PUM1: variants seen among roughly 807,000 people sequenced by gnomAD.
The protein encoded by PUM1 is pumilio homolog 1.
In PUM1, 13 loss-of-function variants were observed where a neutral mutation model predicts 131.8. The observed-to-expected ratio is 0.10, with a 90% CI of 0.06 to 0.16. The LOEUF is 0.16. Ranked by LOEUF, PUM1 falls within the 10% of genes least tolerant of loss-of-function variation. The pLI is 1.00. For synonymous variants in PUM1, 509 were observed against 556.5 expected, an observed-to-expected ratio of 0.91 and a Z score of 1.20; for missense variants, 961 against 1,512.4, an observed-to-expected ratio of 0.64 and a Z score of 6.05.
rs1314376432 is a variant in PUM1, at chr1:30,967,392, C to A, written c.1646-82G>T. ...GGCACCAACATATTGTCAATAATCA[C>A]AAACTCAGCTTTGAGGTTGAATTGG... On this transcript the variant is annotated intron_variant, in intron 11 of 21. Transcript: ENST00000426105. The A allele has an allele frequency of 7.7e-6, 11 of 1,434,576 alleles. No homozygotes were observed. In the East Asian group the frequency reaches 2.3e-4, roughly 30 times the overall value. 88.9% of individuals were successfully genotyped at this position (1,434,576 alleles called of 1,614,324 possible). A position where few individuals can be genotyped will look rare whatever the true frequency, so the allele number is the denominator to read the frequency against.
chr1:30,974,040 AT>A (rs943294892), intron 10 of PUM1, among the ~76,000 whole-genome samples: 6 of 151,734 alleles, frequency 4.0e-5, no homozygotes, highest in Admixed American at 6.6e-5. Flanking sequence ...GTGAGCTGAG[AT>A]TGCACCACGG....
chr1:31,021,687 T>A (rs1165368903), intron 3 of PUM1, among the ~76,000 whole-genome samples: 1 of 152,190 alleles, frequency 6.6e-6, no homozygotes, highest in Non-Finnish European at 1.5e-5. Flanking sequence ...GGGGCTTTGA[T>A]AAGCCACAGA....
chr1:30,992,358 A>T, intron 7 of PUM1, 32 bp downstream of exon 7: 1 of 1,597,270 alleles, frequency 6.3e-7, no homozygotes, highest in Non-Finnish European at 8.5e-7. Context: ...CTGGAGGGAG[A>T]GTAGAGAGGG....
intron 2 of PUM1, among the ~76,000 whole-genome samples, chr1:31,053,476 CTTT>C (rs781031239): frequency 1.4e-5 from 2 of 139,276 alleles, no homozygotes; most frequent in Non-Finnish European, 1.6e-5. Context: ...TTTGGGAGGC[CTTT>C]TTTTTTTTTT....
intron 1 of PUM1, among the ~76,000 whole-genome samples, 155 bp downstream of exon 1, chr1:31,065,461 A>C (rs1644463212): frequency 6.6e-6 from 1 of 150,950 alleles, no homozygotes; most frequent in South Asian, 2.1e-4. Context: ...AACATGTACG[A>C]GGAACAGCGA....
intron 17 of PUM1, among the ~76,000 whole-genome samples, chr1:30,946,905 T>C (rs1639700933): frequency 6.6e-6 from 1 of 151,998 alleles, no homozygotes. Context: ...ACCCTGTCTC[T>C]AAAAATAAAA....
chr1:31,022,790 T>G (rs1255830676), intron 3 of PUM1, among the ~76,000 whole-genome samples: 1 of 152,180 alleles, frequency 6.6e-6, no homozygotes, highest in Non-Finnish European at 1.5e-5. Flanking sequence ...AAAATAAACA[T>G]TTCAAGAACA....
At chr1:30,959,817 G>A (rs1640330242) in intron 14 of PUM1, among the ~76,000 whole-genome samples, 1 of 151,350 alleles carries the variant, frequency 6.6e-6, no homozygotes. Flanking sequence ...TGAGGCAGGA[G>A]AATGGTGTGA....
rs1553152630 is a variant in PUM1 at position 31,038,958 on chromosome 1, T to TATATATA, written c.364-10095_364-10094insTATATAT. 8.0e-4 allele frequency among the ~76,000 whole-genome samples: 35 copies of TATATATA among 43,956 alleles called. 2 individuals carry two copies. Among genetic ancestry groups the TATATATA allele is most frequent in the African/African-American group, 1.7e-3 (10 of 5,782 alleles). 28.8% of individuals were successfully genotyped at this position (43,956 alleles called of 152,430 possible). ...TAGCCATTTAAAATGTTTTAAAATT[T>TATATATA]TATATATATATATATATATATATAT... is the stretch of plus-strand genomic sequence containing the variant. On this transcript the variant is annotated intron_variant, in intron 2 of 21. Transcript: ENST00000426105.
intron 17 of PUM1, among the ~76,000 whole-genome samples, chr1:30,948,616 T>A (rs961973189): frequency 1.3e-5 from 2 of 152,128 alleles, no homozygotes; most frequent in African/African-American, 4.8e-5. Context: ...CCAGGGGAAG[T>A]GGCGTATGCC....
intron 4 of PUM1, among the ~76,000 whole-genome samples, chr1:31,006,615 G>A (rs919875817): frequency 6.6e-6 from 1 of 152,134 alleles, no homozygotes; most frequent in Non-Finnish European, 1.5e-5. Flanking sequence ...CACGTTTAAA[G>A]ATAGATCATT....
At chr1:31,055,173 G>C (rs1265308013) in intron 2 of PUM1, 1 of 358,182 alleles carries the variant, frequency 2.8e-6, no homozygotes, top group Admixed American at 3.6e-5. Context: ...GGCTAATAAG[G>C]GCAGAGATTC....
chr1:31,007,247 G>A, intron 3 of PUM1, 145 bp from the exon 4 acceptor site: 1 of 637,064 alleles, frequency 1.6e-6, no homozygotes, highest in Non-Finnish European at 2.8e-6. Flanking sequence ...ACACAACTGT[G>A]GTCAGAACAC....
At chr1:30,934,880 T>G (rs1385182249) in intron 21 of PUM1, among the ~76,000 whole-genome samples, 1 of 152,196 alleles carries the variant, frequency 6.6e-6, no homozygotes, top group Non-Finnish European at 1.5e-5. Flanking sequence ...TTATTGGATT[T>G]AACAAGAAGT....
chr1:31,000,925 G>C (rs925926833), intron 5 of PUM1, among the ~76,000 whole-genome samples: 2 of 152,156 alleles, frequency 1.3e-5, no homozygotes, highest in Non-Finnish European at 2.9e-5. Flanking sequence ...AGTGGCTCAC[G>C]CCTGTAATCC....
intron 5 of PUM1, among the ~76,000 whole-genome samples, chr1:31,003,517 G>A (rs1056095784): frequency 1.3e-5 from 2 of 152,164 alleles, no homozygotes; most frequent in Non-Finnish European, 2.9e-5. Context: ...AGCACTTTGG[G>A]AGGCTGAGGT....
chr1:30,971,899 G>A (rs149337761), intron 10 of PUM1, among the ~76,000 whole-genome samples: 20 of 152,216 alleles, frequency 1.3e-4, no homozygotes, highest in African/African-American at 4.8e-4. Flanking sequence ...TAATTTGGCA[G>A]CCATTTAAAC....
intron 2 of PUM1, among the ~76,000 whole-genome samples, chr1:31,042,786 AC>A (rs915931955): frequency 2.6e-5 from 4 of 152,262 alleles, no homozygotes; most frequent in African/African-American, 9.6e-5. Flanking sequence ...TTCTTAAAAG[AC>A]AGGGTCTCGC....
In PUM1 at chr1:30,953,756, G is replaced by T. The variant is rs774716038; in HGVS notation, c.2549C>A (p.Ala850Asp). The T allele has an allele frequency of 6.2e-7, 1 of 1,614,194 alleles. No homozygotes were observed. Among genetic ancestry groups the T allele is most frequent in the Non-Finnish European group, 8.5e-7 (1 of 1,180,044 alleles). ...TTGGGAAAATTCCATTATATGTCCA[G>T]CAATCTCCCGCAGTTGTAAATTGGG... ...RYPNLQLREI[A>D]GHIMEFSQDQ... is the part of the protein sequence containing the mutation. Residue 850 changes from alanine (A) to aspartate (D), a missense_variant, in exon 15 of 22, where the codon GCT becomes GAT. Around this residue, in one of 4 missense-constraint regions of PUM1, gnomAD observed 117 missense variants for 200.7 expected, o/e 0.58. Transcript: ENST00000426105.
Sources: allele counts gnomAD v4.1 joint callset (sites outside exome capture counted in the v4.1 genomes callset), GRCh38; gene constraint gnomAD v4.1.1; regional missense constraint gnomAD v4.1.1; transcripts MANE v1.5; gene names NCBI Gene and HGNC (gene_info 2026-07-23, HGNC 2026-07-21).